The following ATXN3 variants were observed in gnomAD, a reference collection of about 807,000 sequenced individuals.
ATXN3 encodes ataxin-3.
In ATXN3, 28 loss-of-function variants were observed where a neutral mutation model predicts 58.2. The ratio of observed to expected loss-of-function variants is 0.48; its 90% CI spans 0.36 to 0.66. The LOEUF is 0.66. Among genes scored for constraint, ATXN3 ranks in the 30% least tolerant of loss-of-function variants. ATXN3 has a pLI of 0.00. For synonymous variants in ATXN3, 113 were observed against 138.5 expected, an observed-to-expected ratio of 0.82 and a Z score of 1.29; for missense variants, 321 against 422.1, an observed-to-expected ratio of 0.76 and a Z score of 2.10.
Position 92,070,983 on chromosome 14 carries a change from G to A in ATXN3, c.943C>T (p.Pro315Ser), listed in dbSNP as rs751821844. The change falls in exon 10 of 11, where the codon CCA (proline) becomes TCA (serine). Residue 315 changes from proline to serine, a missense_variant. By Grantham distance (74) the Pro-to-Ser change is moderately conservative (BLOSUM62 -1). Transcript: ENST00000644486. ...QGDLSGQSSH[P>S]CERPATSSGA... The stretch of plus-strand genomic sequence containing the variant: ...GAACTGGTGGCTGGCCTTTCACATG[G>A]ATGTGAACTCTGTCCTGATAGGTCC... The A allele has an allele frequency of 2.8e-6, 4 of 1,448,062 alleles. No homozygotes were observed. In the South Asian group the frequency reaches 5.3e-5, roughly 19 times the overall value. The allele number at this position is 1,448,062 out of a possible 1,614,324, so 89.7% of individuals were successfully genotyped here.
intron 6 of ATXN3, among the ~76,000 whole-genome samples, chr14:92,084,780 A>G (rs1340896250): frequency 6.6e-6 from 1 of 151,998 alleles, no homozygotes; most frequent in African/African-American, 2.4e-5. Flanking sequence ...GGGTTTCACC[A>G]TGTTGGCTGG....
chr14:92,046,259 C>T (rs1400357790), intron 2 of ATXN3: 1 of 152,204 alleles, frequency 6.6e-6, no homozygotes, highest in African/African-American at 2.4e-5. Context: ...GAAGATACTA[C>T]TATAGCATAG....
chr14:92,070,746 T>C, intron 10 of ATXN3, 189 bp downstream of exon 10: 2 of 984,284 alleles, frequency 2.0e-6, no homozygotes, highest in South Asian at 2.2e-5. Context: ...ACATCTAGCT[T>C]TTTTTTTTTT....
intron 1 of ATXN3, among the ~76,000 whole-genome samples, chr14:92,099,487 C>G (rs2066224181): frequency 6.6e-6 from 1 of 152,206 alleles, no homozygotes; most frequent in Non-Finnish European, 1.5e-5. Context: ...CTTTCTCCTC[C>G]TTATATATTT....
At chr14:92,099,452 G>A (rs962527950) in intron 1 of ATXN3, among the ~76,000 whole-genome samples, 1 of 152,236 alleles carries the variant, frequency 6.6e-6, no homozygotes, top group Admixed American at 6.5e-5. Context: ...GTCTTCTCAT[G>A]AGAATAGACT....
chr14:92,073,918 CAGA>C (rs766803774), intron 9 of ATXN3, among the ~76,000 whole-genome samples: 1 of 147,554 alleles, frequency 6.8e-6, no homozygotes, highest in Non-Finnish European at 1.5e-5. Flanking sequence ...GAGGCTGAAG[CAGA>C]AGAATTGCTT....
chr14:92,067,381 T>C (rs1469953131), intron 10 of ATXN3, among the ~76,000 whole-genome samples: 1 of 152,212 alleles, frequency 6.6e-6, no homozygotes, highest in Non-Finnish European at 1.5e-5. Flanking sequence ...GCCCCACCCT[T>C]TCTCATCTCC....
chr14:92,098,378 G>C (rs552474541), intron 1 of ATXN3, among the ~76,000 whole-genome samples: 1 of 152,142 alleles, frequency 6.6e-6, no homozygotes, highest in African/African-American at 2.4e-5. Context: ...GCTTGAGGCT[G>C]GGAGTTCGAG....
Position 92,104,434 on chromosome 14 carries a change from G to C in ATXN3, c.24+2095C>G, listed in dbSNP as rs192985656. On this transcript the variant is annotated intron_variant, in intron 1 of 10. Transcript: ENST00000644486. Reference sequence around the variant, plus strand: ...GTGTGAGCCACTGCACCCAGACTAAGAGGGATTTCTTTCGGGTAAGTAGAT... The same window carrying C: ...GTGTGAGCCACTGCACCCAGACTAACAGGGATTTCTTTCGGGTAAGTAGAT... Among the ~76,000 whole-genome samples, 405 of 152,270 alleles carry C rather than the reference G, an allele frequency of 2.7e-3. 4 individuals are homozygous for C. The highest frequency in any genetic ancestry group is 9.1e-3 in the African/African-American group (379 of 41,572).
At chr14:92,077,004 G>A (rs1231044449) in intron 9 of ATXN3, among the ~76,000 whole-genome samples, 2 of 149,612 alleles carry the variant, frequency 1.3e-5, no homozygotes, top group Non-Finnish European at 3.0e-5. Context: ...AATTATTCTG[G>A]AAAGCAATTT....
chr14:92,092,742 T>TA (rs1478111777), intron 5 of ATXN3, among the ~76,000 whole-genome samples: 1 of 151,984 alleles, frequency 6.6e-6, no homozygotes, highest in Non-Finnish European at 1.5e-5. Flanking sequence ...TATTATCTTT[T>TA]AAAATGACAA....
downstream of ATXN3, among the ~76,000 whole-genome samples, chr14:92,053,648 C>A (rs1023564156): frequency 4.6e-5 from 7 of 152,080 alleles, no homozygotes; most frequent in Admixed American, 2.6e-4. Context: ...AGGTGCATGC[C>A]ACCATACCCA....
At chr14:92,091,269 GGC>G (rs1297331104) in intron 5 of ATXN3, among the ~76,000 whole-genome samples, 5 of 151,994 alleles carry the variant, frequency 3.3e-5, no homozygotes, top group African/African-American at 1.2e-4. Context: ...TGACCAACAT[GGC>G]GAAACCCCGT....
At chr14:92,103,896 A>C (rs549799213) in intron 1 of ATXN3, among the ~76,000 whole-genome samples, 2 of 152,324 alleles carry the variant, frequency 1.3e-5, no homozygotes, top group South Asian at 4.1e-4. Context: ...GGTTAAAGGT[A>C]TATTGCAGAG....
intron 1 of ATXN3, 137 bp downstream of exon 1, chr14:92,106,392 T>G (rs2068407174): frequency 1.8e-6 from 2 of 1,104,270 alleles, no homozygotes; most frequent in African/African-American, 1.6e-5. Flanking sequence ...GGCGGGAGGC[T>G]GCGGCGTCGC....
chr14:92,095,348 A>T (rs1042690054), intron 3 of ATXN3, among the ~76,000 whole-genome samples: 1 of 151,946 alleles, frequency 6.6e-6, no homozygotes, highest in Non-Finnish European at 1.5e-5. Context: ...GGTTCAAGCG[A>T]TTCTCCTGCC....
downstream of ATXN3, among the ~76,000 whole-genome samples, chr14:92,055,874 T>C (rs1028414021): frequency 4.6e-5 from 7 of 152,158 alleles, no homozygotes; most frequent in African/African-American, 1.4e-4. The surrounding 1 kb of genome is among the most constrained non-coding windows in gnomAD (Gnocchi z 4.5). Context: ...GGCAGGAGAA[T>C]TGCTTGAGCC....
chr14:92,106,500 A>C (rs1380426075), intron 1 of ATXN3, 29 bp downstream of exon 1: 3 of 1,612,760 alleles, frequency 1.9e-6, no homozygotes, highest in Non-Finnish European at 1.7e-6. Context: ...CGCGCGGCAG[A>C]CAGCTCCCCA....
At chr14:92,103,991 T>G (rs907303914) in intron 1 of ATXN3, among the ~76,000 whole-genome samples, 4 of 152,234 alleles carry the variant, frequency 2.6e-5, no homozygotes, top group African/African-American at 9.6e-5. Context: ...TTGGGCCATA[T>G]GGTTATAGGT....
Sources: gnomAD v4.1 joint callset for allele counts (sites outside exome capture counted in the v4.1 genomes callset) on GRCh38, gnomAD v4.1.1 for gene constraint, Gnocchi (gnomAD v3.1) non-coding constraint, MANE v1.5 for transcripts, NCBI Gene and HGNC (gene_info 2026-07-23, HGNC 2026-07-21) for gene names.